The following AUTS2 variants were observed in gnomAD, a reference collection of about 807,000 sequenced individuals.
The protein encoded by AUTS2 is autism susceptibility gene 2 protein.
Under a neutral mutation model 112.4 loss-of-function variants are expected in AUTS2, and 17 were observed. The ratio of observed to expected loss-of-function variants is 0.15; its 90% CI spans 0.10 to 0.23. The LOEUF (loss-of-function observed/expected upper bound fraction) is 0.23. AUTS2 is among the 10% of genes least tolerant of loss of function. The pLI, the probability that AUTS2 is intolerant of heterozygous loss-of-function variation, is 1.00. For synonymous variants in AUTS2, 751 were observed against 702.7 expected, an observed-to-expected ratio of 1.07 and a Z score of -1.09; for missense variants, 1,510 against 1,701.6, an observed-to-expected ratio of 0.89 and a Z score of 1.98.
chr7:70,545,600 G>T (rs573784379), intron 5 of AUTS2, among the ~76,000 whole-genome samples: 3 of 152,146 alleles, frequency 2.0e-5, no homozygotes, highest in Non-Finnish European at 4.4e-5. Context: ...GTTTGACCAG[G>T]CATAGCCCCA....
intron 1 of AUTS2, among the ~76,000 whole-genome samples, chr7:69,862,606 A>G (rs1793039541): frequency 6.6e-6 from 1 of 152,160 alleles, no homozygotes; most frequent in Admixed American, 6.6e-5. Flanking sequence ...GTTTTAATCC[A>G]GTTACTTAGG....
intron 1 of AUTS2, among the ~76,000 whole-genome samples, chr7:69,700,393 C>T (rs1191308089): frequency 1.3e-5 from 2 of 151,508 alleles, no homozygotes; most frequent in South Asian, 2.1e-4. Context: ...GCAAAGATTA[C>T]GGGGATTTTT....
intron 2 of AUTS2, among the ~76,000 whole-genome samples, chr7:70,013,751 C>T (rs1330254232): frequency 6.6e-6 from 1 of 152,168 alleles, no homozygotes; most frequent in Non-Finnish European, 1.5e-5. Context: ...CGGAGTCTCT[C>T]TCTGTCACCA....
At chr7:69,851,509 C>A (rs1057264370) in intron 1 of AUTS2, among the ~76,000 whole-genome samples, 1 of 152,194 alleles carries the variant, frequency 6.6e-6, no homozygotes, top group African/African-American at 2.4e-5. Flanking sequence ...CTTCGCCTCC[C>A]AAAGTGCCAG....
chr7:70,102,150 G>C (rs1484887871), intron 2 of AUTS2, among the ~76,000 whole-genome samples: 1 of 130,558 alleles, frequency 7.7e-6, no homozygotes, highest in Non-Finnish European at 1.6e-5. Context: ...ACAGAGTCTC[G>C]CACTTTCGCC....
At position 70,790,535 on chromosome 7, in the gene AUTS2, C is replaced by T; in HGVS notation, c.3319C>T (p.Pro1107Ser). 2 of 1,607,962 alleles carry T rather than the reference C, an allele frequency of 1.2e-6. No individual in the cohort carries two copies. Among genetic ancestry groups the T allele is most frequent in the African/African-American group, 2.7e-5 (2 of 74,946 alleles). Residue 1107 changes from proline (P) to serine (S), a missense_variant, in exon 19 of 19, where the codon CCC becomes TCC. Physicochemically the swap from Pro to Ser is moderately conservative, Grantham distance 74. Coordinates refer to ENST00000342771, the MANE Select transcript of AUTS2 (RefSeq NM_015570.4). The surrounding 1 kb of genome is among the most constrained non-coding windows in gnomAD (Gnocchi z 7.6). ...RNDPLHRLST[P>S]RLYEADRSFR... ...CGACCCGCTCCACCGGCTCTCGACTCCCCGGCTGTACGAAGCCGACCGCTC... is the reference window on the plus strand; with the variant it reads ...CGACCCGCTCCACCGGCTCTCGACTTCCCGGCTGTACGAAGCCGACCGCTC...
chr7:70,411,514 C>T lies in AUTS2; in HGVS notation c.661-24238C>T, dbSNP rs147612709. On this transcript the variant is annotated intron_variant, in intron 4 of 18. Coordinates refer to ENST00000342771, the MANE Select transcript of AUTS2 (RefSeq NM_015570.4). ...ACTAGAAGGGCACAGCATAGGTAAA[C>T]ACACTTTATCAAGTACTGTGATACT... 2.6e-5 allele frequency among the ~76,000 whole-genome samples: 4 copies of T among 152,216 alleles called. No homozygotes were observed. In the East Asian group the frequency reaches 7.7e-4, roughly 29 times the overall value.
chr7:70,042,401 A>C (rs996751961), intron 2 of AUTS2, among the ~76,000 whole-genome samples: 4 of 152,128 alleles, frequency 2.6e-5, no homozygotes, highest in Non-Finnish European at 4.4e-5. Context: ...AGGAGTGATA[A>C]TGGTTTTTAA....
chr7:69,714,247 A>ATGTG lies in AUTS2; in HGVS notation c.309+114286_309+114287insGTGT, dbSNP rs1438776720. ...CCCAGCTAATTGTGCATGTGTGTGTATATGTGTGTGTGTGTGTGTGTGTGT... is the reference window on the plus strand; with the variant it reads ...CCCAGCTAATTGTGCATGTGTGTGTATGTGTATGTGTGTGTGTGTGTGTGTGTGT... On this transcript the variant is annotated intron_variant, in intron 1 of 18. Coordinates refer to ENST00000342771, the MANE Select transcript of AUTS2 (RefSeq NM_015570.4). Among the ~76,000 whole-genome samples the ATGTG allele has an allele frequency of 5.9e-3, 251 of 42,324 alleles. 3 individuals carry two copies. Among genetic ancestry groups the ATGTG allele is most frequent in the East Asian group, 0.016 (22 of 1,384 alleles). 27.8% of individuals were successfully genotyped at this position (42,324 alleles called of 152,430 possible). A position where few individuals can be genotyped will look rare whatever the true frequency, so the allele number is the denominator to read the frequency against.
intron 4 of AUTS2, among the ~76,000 whole-genome samples, chr7:70,342,486 C>A (rs560634905): frequency 1.3e-5 from 2 of 152,212 alleles, no homozygotes; most frequent in East Asian, 3.9e-4. Context: ...CATCACTGCC[C>A]AGTAGAACTT....
intron 1 of AUTS2, among the ~76,000 whole-genome samples, chr7:69,600,982 TA>T (rs1464864665): frequency 7.1e-6 from 1 of 140,902 alleles, no homozygotes; most frequent in African/African-American, 2.7e-5. Context: ...GCTCCTAGGG[TA>T]GGGGGAAAGG....
intron 1 of AUTS2, among the ~76,000 whole-genome samples, chr7:69,671,083 A>G (rs898246927): frequency 6.6e-6 from 1 of 152,320 alleles, no homozygotes; most frequent in Admixed American, 6.5e-5. Flanking sequence ...AAAGTATAAA[A>G]AGAAATGTTT....
intron 4 of AUTS2, among the ~76,000 whole-genome samples, chr7:70,277,691 G>A (rs965011997): frequency 1.3e-5 from 2 of 151,944 alleles, no homozygotes; most frequent in Non-Finnish European, 2.9e-5. Context: ...AAGTCAGTAG[G>A]CAAAGGAGAA....
chr7:69,779,841 C>G (rs904182083), intron 1 of AUTS2, among the ~76,000 whole-genome samples: 1 of 151,302 alleles, frequency 6.6e-6, no homozygotes, highest in East Asian at 1.9e-4. Flanking sequence ...TCATAGCTAC[C>G]TGTGACTTAT....
intron 4 of AUTS2, among the ~76,000 whole-genome samples, chr7:70,243,254 T>C (rs974175897): frequency 1.3e-5 from 2 of 150,784 alleles, no homozygotes; most frequent in African/African-American, 4.9e-5. Flanking sequence ...TGTGTGTGTG[T>C]GTGTGTGTGT....
chr7:70,706,293 A>G (rs917305542), intron 6 of AUTS2, among the ~76,000 whole-genome samples: 1 of 152,238 alleles, frequency 6.6e-6, no homozygotes, highest in Non-Finnish European at 1.5e-5. Flanking sequence ...GGAAAAGAGC[A>G]GAGACAGAAA....
intron 1 of AUTS2, among the ~76,000 whole-genome samples, chr7:69,827,737 G>C (rs1791315359): frequency 1.3e-5 from 2 of 152,214 alleles, no homozygotes; most frequent in Non-Finnish European, 2.9e-5. Flanking sequence ...TGAAATGAGA[G>C]AAGGGTTGTT....
chr7:70,750,273 G>A (rs1422080264), intron 6 of AUTS2, among the ~76,000 whole-genome samples: 1 of 152,160 alleles, frequency 6.6e-6, no homozygotes, highest in African/African-American at 2.4e-5. Context: ...CGGAGAGTAT[G>A]TGTGTGTAGG....
Position 70,491,437 on chromosome 7 carries a change from CATATATACACATAATATATATGTT to C in AUTS2, c.690+55712_690+55735del, listed in dbSNP as rs754499710. On this transcript the variant is annotated intron_variant, in intron 5 of 18. Coordinates refer to ENST00000342771, the MANE Select transcript of AUTS2 (RefSeq NM_015570.4). ...GTGTGTATACACACACACACACACA[CATATATACACATAATATATATGTT>C]ATATATACACATAATATATATGTTA... Among the ~76,000 whole-genome samples, 461 of 110,010 alleles carry C rather than the reference CATATATACACATAATATATATGTT, an allele frequency of 4.2e-3. 5 individuals carry two copies. Among genetic ancestry groups the C allele is most frequent in the South Asian group, 9.3e-3 (35 of 3,776 alleles). The allele number at this position is 110,010 out of a possible 152,430, so 72.2% of individuals were successfully genotyped here.
Sources: allele counts gnomAD v4.1 joint callset (sites outside exome capture counted in the v4.1 genomes callset), GRCh38; gene constraint gnomAD v4.1.1; non-coding constraint Gnocchi (gnomAD v3.1); transcripts MANE v1.5; gene names NCBI Gene and HGNC (gene_info 2026-07-23, HGNC 2026-07-21).